Variants in DLG1 observed in about 807,000 individuals in gnomAD.
The protein encoded by DLG1 is discs large MAGUK scaffold protein 1.
DLG1 carries 42 observed loss-of-function variants against 123.4 expected under a neutral mutation model. The observed-to-expected ratio is 0.34, with a 90% CI of 0.27 to 0.44. The LOEUF is 0.44. Among genes scored for constraint, DLG1 ranks in the 20% least tolerant of loss-of-function variants. The pLI is 1.00. For missense variants in DLG1, 942 were observed against 1,082.6 expected, an observed-to-expected ratio of 0.87 and a Z score of 1.82; for synonymous variants, 317 against 356.2, an observed-to-expected ratio of 0.89 and a Z score of 1.24.
At chr3:197,048,846 G>T (rs559195235) in intron 24 of DLG1, among the ~76,000 whole-genome samples, 1 of 152,160 alleles carries the variant, frequency 6.6e-6, no homozygotes, top group East Asian at 1.9e-4. Flanking sequence ...GTAGAGAAAA[G>T]GGGTTTCGCC....
intron 15 of DLG1, among the ~76,000 whole-genome samples, chr3:197,088,026 T>C (rs1040050879): frequency 1.3e-5 from 2 of 152,188 alleles, no homozygotes; most frequent in African/African-American, 4.8e-5. Flanking sequence ...GTTTATACTA[T>C]TGGCAGGAGA....
intron 23 of DLG1, among the ~76,000 whole-genome samples, chr3:197,059,087 G>A (rs1215726845): frequency 6.6e-6 from 1 of 152,056 alleles, no homozygotes; most frequent in African/African-American, 2.4e-5. Context: ...GACCACGCCC[G>A]GCTAATTTTC....
At chr3:197,077,078 T>G (rs533386969) in intron 17 of DLG1, among the ~76,000 whole-genome samples, 190 of 152,308 alleles carry the variant, frequency 1.2e-3, no homozygotes, top group African/African-American at 4.4e-3. Flanking sequence ...CAATTACATT[T>G]TATTCATTAT....
chr3:197,166,890 C>T (rs770142241), intron 5 of DLG1, among the ~76,000 whole-genome samples: 5 of 151,828 alleles, frequency 3.3e-5, no homozygotes, highest in Non-Finnish European at 7.4e-5. Flanking sequence ...GAAACTCCGT[C>T]TCGGGGGGAA....
At chr3:197,177,175 C>T (rs534059278) in intron 5 of DLG1, among the ~76,000 whole-genome samples, 38 of 152,182 alleles carry the variant, frequency 2.5e-4, no homozygotes, top group African/African-American at 6.5e-4. Context: ...ATATTAATTT[C>T]GCAAAGTTAG....
At chr3:197,087,538 T>C (rs183713432) in intron 15 of DLG1, among the ~76,000 whole-genome samples, 17 of 152,204 alleles carry the variant, frequency 1.1e-4, no homozygotes, top group African/African-American at 4.1e-4. Context: ...AGGCTTCTGA[T>C]TAACTATAGC....
At chr3:197,290,846 C>T (rs1379727364) in intron 3 of DLG1, among the ~76,000 whole-genome samples, 2 of 147,244 alleles carry the variant, frequency 1.4e-5, no homozygotes. Flanking sequence ...TGCAGTAAGC[C>T]ACCACTGCAC....
intron 6 of DLG1, among the ~76,000 whole-genome samples, chr3:197,147,340 G>T (rs1791330105): frequency 6.6e-6 from 1 of 151,860 alleles, no homozygotes; most frequent in African/African-American, 2.4e-5. Flanking sequence ...ACTTGCACAT[G>T]CATGTTTATA....
chr3:197,136,651 A>T lies in DLG1; in HGVS notation c.911T>A (p.Val304Asp). Residue 304 changes from valine to aspartate, a missense_variant, in exon 10 of 25, where the codon GTT becomes GAT. Coordinates refer to ENST00000667157, the MANE Select transcript of DLG1 (RefSeq NM_001366207.1). ...ATCCCCAGGAATATGCTGATTTCCA[A>T]CACCTCCAGCAATGCTAAACCCAAG... is the stretch of plus-strand genomic sequence containing the variant. ...KGLGFSIAGG[V>D]GNQHIPGDNS... The T allele has an allele frequency of 6.2e-7, 1 of 1,613,178 alleles. No homozygotes were observed. The highest frequency in any genetic ancestry group is 1.7e-4 in the Middle Eastern group (1 of 6,054).
intron 4 of DLG1, among the ~76,000 whole-genome samples, chr3:197,212,806 A>C (rs1490448552): frequency 6.6e-6 from 1 of 152,204 alleles, no homozygotes; most frequent in Non-Finnish European, 1.5e-5. Context: ...ACAGAATTCA[A>C]CCCAAAACAC....
chr3:197,270,262 C>T (rs918876773), intron 4 of DLG1, among the ~76,000 whole-genome samples: 6 of 151,972 alleles, frequency 3.9e-5, no homozygotes, highest in African/African-American at 1.5e-4. Flanking sequence ...TCAAGTGATT[C>T]GTCTAGTCAA....
chr3:197,186,989 G>A (rs184958868), intron 5 of DLG1, among the ~76,000 whole-genome samples: 14 of 152,292 alleles, frequency 9.2e-5, no homozygotes, highest in African/African-American at 2.4e-4. Context: ...CTAATGTAAC[G>A]TAAATGCAAT....
At chr3:197,146,635 T>A (rs1001328736) in intron 6 of DLG1, among the ~76,000 whole-genome samples, 1 of 152,150 alleles carries the variant, frequency 6.6e-6, no homozygotes, top group African/African-American at 2.4e-5. Flanking sequence ...TCTCACCTTA[T>A]AAAAACATCA....
chr3:197,201,902 C>T (rs1725931310), intron 4 of DLG1, among the ~76,000 whole-genome samples: 1 of 150,614 alleles, frequency 6.6e-6, no homozygotes, highest in Non-Finnish European at 1.5e-5. Context: ...CACAGAAAGA[C>T]AAATACTGCA....
At chr3:197,131,579 CCTTTCTT>C (rs1782485974) in intron 10 of DLG1, among the ~76,000 whole-genome samples, 4 of 122,684 alleles carry the variant, frequency 3.3e-5, no homozygotes, top group African/African-American at 1.1e-4. Flanking sequence ...TTTATTTCTT[CCTTTCTT>C]TTTTTTTTTT....
chr3:197,138,398 AAAC>A lies in DLG1; in HGVS notation c.714-10_714-8del. On this transcript the variant is annotated splice_polypyrimidine_tract_variant and splice_region_variant and intron_variant, in intron 8 of 24. Coordinates refer to ENST00000667157, the MANE Select transcript of DLG1 (RefSeq NM_001366207.1). The stretch of plus-strand genomic sequence containing the variant: ...TAATATACAGTCATTGACCCTGAGA[AAAC>A]AATTAAATATTAAAAATAAAAATTA... The A allele has an allele frequency of 3.8e-6, 5 of 1,329,390 alleles. No individual in the cohort carries two copies. Among genetic ancestry groups the A allele is most frequent in the Non-Finnish European group, 4.9e-6 (5 of 1,021,960 alleles). The allele number at this position is 1,329,390 out of a possible 1,614,324, so 82.3% of individuals were successfully genotyped here.
chr3:197,043,611 A>G lies in DLG1; in HGVS notation c.*1012T>C, dbSNP rs1721310016. On this transcript the variant is annotated 3_prime_UTR_variant, in exon 25 of 25. Coordinates refer to ENST00000667157, the MANE Select transcript of DLG1 (RefSeq NM_001366207.1). The stretch of plus-strand genomic sequence containing the variant: ...TGTTTGTGTGTGTGCGCAACTATGT[A>G]AAGAAAATAATTCCCATAGTTACAG... 2 of 151,346 alleles carry G rather than the reference A, an allele frequency of 1.3e-5. No individual in the cohort carries two copies. The highest frequency in any genetic ancestry group is 4.8e-5 in the African/African-American group (2 of 41,326). The allele number at this position is 151,346 out of a possible 1,614,324, so 9.4% of individuals were successfully genotyped here.
At chr3:197,055,729 G>A (rs1405142297) in intron 23 of DLG1, among the ~76,000 whole-genome samples, 1 of 152,112 alleles carries the variant, frequency 6.6e-6, no homozygotes, top group Non-Finnish European at 1.5e-5. Flanking sequence ...GAAGAGGGAA[G>A]CACTAGCCCT....
chr3:197,085,853 A>T, intron 15 of DLG1, 97 bp from the exon 16 acceptor site: 1 of 1,157,338 alleles, frequency 8.6e-7, no homozygotes, highest in Non-Finnish European at 1.2e-6. Flanking sequence ...GTAATTAAAT[A>T]TATCATAGTA....
Sources: allele counts gnomAD v4.1 joint callset (sites outside exome capture counted in the v4.1 genomes callset), GRCh38; gene constraint gnomAD v4.1.1; transcripts MANE v1.5; gene names NCBI Gene and HGNC (gene_info 2026-07-23, HGNC 2026-07-21).